LRRTM4: variants seen among roughly 807,000 people sequenced by gnomAD.
LRRTM4 encodes the protein leucine rich repeat transmembrane neuronal 4, also known as leucine-rich repeat transmembrane neuronal protein 4.
A neutral mutation model predicts 47.6 loss-of-function variants in LRRTM4; 25 were observed. The observed-to-expected ratio is 0.53, with a 90% CI of 0.38 to 0.73. The LOEUF (loss-of-function observed/expected upper bound fraction) is 0.73. Ranked by LOEUF, LRRTM4 falls within the 30% of genes least tolerant of loss-of-function variation. The probability of loss-of-function intolerance (pLI) is 0.00; values close to 1 mark genes in which losing one functional copy is unlikely to be tolerated. For missense variants in LRRTM4, 638 were observed against 713.4 expected (o/e 0.89, Z 1.20); for synonymous variants, 311 against 269.5 (o/e 1.15, Z -1.51).
chr2:77,219,491 T>C (rs977907863), intron 3 of LRRTM4, among the ~76,000 whole-genome samples: 1 of 152,068 alleles, frequency 6.6e-6, no homozygotes, highest in East Asian at 1.9e-4. Flanking sequence ...ATTTAACAGG[T>C]GGGGCATATG....
At chr2:77,022,742 G>T (rs1445978281) in intron 3 of LRRTM4, among the ~76,000 whole-genome samples, 1 of 152,232 alleles carries the variant, frequency 6.6e-6, no homozygotes, top group African/African-American at 2.4e-5. Context: ...GGGTTCCCAT[G>T]GTCTTGGGCA....
At chr2:77,173,575 G>A (rs1053286640) in intron 3 of LRRTM4, among the ~76,000 whole-genome samples, 13 of 152,118 alleles carry the variant, frequency 8.5e-5, no homozygotes, top group East Asian at 1.9e-4. Context: ...AAAAATCTAC[G>A]TCACTCTCCT....
intron 3 of LRRTM4, among the ~76,000 whole-genome samples, chr2:77,223,869 C>A (rs913256469): frequency 3.9e-5 from 6 of 152,138 alleles, no homozygotes; most frequent in Non-Finnish European, 8.8e-5. Flanking sequence ...CTTCAAAGTT[C>A]ATATGGAACC....
chr2:76,896,801 G>A (rs1470180605), intron 3 of LRRTM4, among the ~76,000 whole-genome samples: 7 of 149,154 alleles, frequency 4.7e-5, no homozygotes, highest in African/African-American at 1.7e-4. Context: ...TGCATGAGAT[G>A]TATATGATGT....
chr2:76,824,559 A>G (rs1430392167), intron 3 of LRRTM4, among the ~76,000 whole-genome samples: 1 of 148,676 alleles, frequency 6.7e-6, no homozygotes, highest in Non-Finnish European at 1.5e-5. Flanking sequence ...GTAGGCAGAC[A>G]AGAGCAAGGC....
At chr2:76,946,540 C>G (rs963579523) in intron 3 of LRRTM4, among the ~76,000 whole-genome samples, 20 of 151,728 alleles carry the variant, frequency 1.3e-4, no homozygotes, top group African/African-American at 4.1e-4. Flanking sequence ...TTAAAGACAA[C>G]TGAGAGTGAA....
intron 3 of LRRTM4, among the ~76,000 whole-genome samples, chr2:77,445,349 C>A (rs1676010640): frequency 6.6e-6 from 1 of 151,838 alleles, no homozygotes; most frequent in Non-Finnish European, 1.5e-5. Flanking sequence ...TCAGTTTTCA[C>A]CATTTTCCCT....
intron 3 of LRRTM4, among the ~76,000 whole-genome samples, chr2:77,310,726 G>A (rs562635229): frequency 5.1e-4 from 78 of 152,200 alleles, no homozygotes; most frequent in Middle Eastern, 3.4e-3. Flanking sequence ...CAGCTGCTGC[G>A]GGAAAGATCA....
intron 3 of LRRTM4, among the ~76,000 whole-genome samples, chr2:77,297,427 A>G (rs1320347253): frequency 6.6e-6 from 1 of 152,202 alleles, no homozygotes; most frequent in Middle Eastern, 3.2e-3. Flanking sequence ...TAATGAGGCT[A>G]CTGGTTCCAA....
chr2:76,845,806 G>A (rs1232626186), intron 3 of LRRTM4, among the ~76,000 whole-genome samples: 1 of 152,080 alleles, frequency 6.6e-6, no homozygotes, highest in Non-Finnish European at 1.5e-5. Context: ...TAGGGAGAGG[G>A]TGGCTCCTGA....
intron 3 of LRRTM4, among the ~76,000 whole-genome samples, chr2:77,423,717 T>C (rs899198088): frequency 6.6e-6 from 1 of 152,138 alleles, no homozygotes. Flanking sequence ...TTCCAACTTC[T>C]CAACAGTCAG....
At chr2:77,119,478 A>G (rs1299652051) in intron 3 of LRRTM4, among the ~76,000 whole-genome samples, 1 of 151,790 alleles carries the variant, frequency 6.6e-6, no homozygotes, top group African/African-American at 2.4e-5. Context: ...TAAAAATTCA[A>G]CCCAACCACT....
At chr2:76,961,183 G>A (rs1205328258) in intron 3 of LRRTM4, among the ~76,000 whole-genome samples, 1 of 151,192 alleles carries the variant, frequency 6.6e-6, no homozygotes, top group African/African-American at 2.4e-5. Context: ...GTTGTAAAAA[G>A]TGCTGTTTAT....
chr2:77,041,279 T>C (rs1315022539), intron 3 of LRRTM4, among the ~76,000 whole-genome samples: 1 of 151,604 alleles, frequency 6.6e-6, no homozygotes, highest in African/African-American at 2.4e-5. Context: ...CCAAATAGTA[T>C]TTTATTGTGT....
intron 3 of LRRTM4, among the ~76,000 whole-genome samples, chr2:76,856,724 C>G (rs1333467227): frequency 6.6e-6 from 1 of 151,918 alleles, no homozygotes; most frequent in Non-Finnish European, 1.5e-5. Context: ...AAAATATTTT[C>G]TTTCCCTTAT....
chr2:77,008,550 G>C (rs761901254), intron 3 of LRRTM4, among the ~76,000 whole-genome samples: 1 of 152,046 alleles, frequency 6.6e-6, no homozygotes, highest in African/African-American at 2.4e-5. Flanking sequence ...AATAACGTAG[G>C]GGCTGACAGG....
intron 3 of LRRTM4, among the ~76,000 whole-genome samples, chr2:77,078,210 T>G (rs1680408582): frequency 6.6e-6 from 1 of 152,198 alleles, no homozygotes; most frequent in Admixed American, 6.5e-5. Context: ...ATTCTGTCAT[T>G]TATATCTGCC....
intron 3 of LRRTM4, among the ~76,000 whole-genome samples, chr2:77,014,039 A>AC (rs1000790416): frequency 6.6e-6 from 1 of 152,062 alleles, no homozygotes; most frequent in African/African-American, 2.4e-5. Flanking sequence ...TAAATTCTTC[A>AC]CTGTGTGTTT....
intron 3 of LRRTM4, among the ~76,000 whole-genome samples, chr2:77,073,968 T>A (rs1489392533): frequency 1.3e-5 from 2 of 152,094 alleles, no homozygotes; most frequent in Non-Finnish European, 2.9e-5. Context: ...AGAAATGCAC[T>A]CTTCGTTAGT....
Sources: gnomAD v4.1 joint callset for allele counts (sites outside exome capture counted in the v4.1 genomes callset) on GRCh38, gnomAD v4.1.1 for gene constraint, MANE v1.5 for transcripts, NCBI Gene and HGNC (gene_info 2026-07-23, HGNC 2026-07-21) for gene names.